Variants in ZC3H12B observed in about 807,000 individuals in gnomAD.
ZC3H12B encodes the protein zinc finger CCCH-type containing 12B.
In ZC3H12B, 7 loss-of-function variants were observed where a neutral mutation model predicts 43.9. That is an observed-to-expected ratio of 0.16 (90% confidence interval 0.09 to 0.30). The LOEUF is 0.30. Among genes scored for constraint, ZC3H12B ranks in the 10% least tolerant of loss-of-function variants. The pLI is 1.00. For synonymous variants in ZC3H12B, 222 were observed against 241.7 expected, an observed-to-expected ratio of 0.92 and a Z score of 0.76; for missense variants, 475 against 670.2, an observed-to-expected ratio of 0.71 and a Z score of 3.22.
At chrX:65,069,084 T>C in the ZC3H12B span, among the ~76,000 whole-genome samples, 1 of 109,822 alleles carries the variant, frequency 9.1e-6, no homozygotes, top group East Asian at 2.8e-4. Flanking sequence ...GGGAGTTTGA[T>C]TATTAAATGC....
At chrX:65,077,527 T>C in the ZC3H12B span, among the ~76,000 whole-genome samples, 15 of 111,976 alleles carry the variant, frequency 1.3e-4, no homozygotes, top group Admixed American at 2.8e-4. Flanking sequence ...AAGCTACTTA[T>C]GTGGGCAGAT....
At chrX:65,156,611 C>T in the ZC3H12B span, among the ~76,000 whole-genome samples, 956 of 111,034 alleles carry the variant, frequency 8.6e-3, 15 homozygotes, top group African/African-American at 0.03. Flanking sequence ...GAACTCTCGA[C>T]CCCAGGTAAT....
At chrX:65,204,326 C>T in the ZC3H12B span, among the ~76,000 whole-genome samples, 1 of 111,943 alleles carries the variant, frequency 8.9e-6, no homozygotes, top group Non-Finnish European at 1.9e-5. Flanking sequence ...CTGCCTCTTT[C>T]ATCTGAATTA....
the ZC3H12B span, among the ~76,000 whole-genome samples, chrX:65,293,199 C>A: frequency 3.6e-5 from 4 of 110,840 alleles, no homozygotes; most frequent in Non-Finnish European, 7.6e-5. Context: ...TTTCTCAGTA[C>A]CACCCTGGAG....
At chrX:65,207,284 C>T in the ZC3H12B span, among the ~76,000 whole-genome samples, 1 of 107,301 alleles carries the variant, frequency 9.3e-6, no homozygotes, top group East Asian at 3.0e-4. Context: ...ATACACACAC[C>T]GTGGTCTACT....
At chrX:65,348,807 C>T in the ZC3H12B span, among the ~76,000 whole-genome samples, 21 of 110,964 alleles carry the variant, frequency 1.9e-4, no homozygotes, top group East Asian at 4.6e-3. Context: ...ATCAATGCAG[C>T]GAGAAGAGCT....
the ZC3H12B span, among the ~76,000 whole-genome samples, chrX:65,359,615 G>A: frequency 1.8e-4 from 20 of 112,172 alleles, 1 homozygote; most frequent in African/African-American, 6.5e-4. Context: ...GCCAGAAGAT[G>A]TAACAGAATT....
At chrX:65,342,111 A>G in the ZC3H12B span, among the ~76,000 whole-genome samples, 1 of 111,644 alleles carries the variant, frequency 9.0e-6, no homozygotes, top group South Asian at 3.7e-4. Flanking sequence ...CAGGAGTTGC[A>G]GTCCTAATTT....
At chrX:65,223,266 T>C in the ZC3H12B span, among the ~76,000 whole-genome samples, 3 of 110,083 alleles carry the variant, frequency 2.7e-5, no homozygotes, top group African/African-American at 9.9e-5. Context: ...TGCAGATCAC[T>C]GCACTCCAGC....
the ZC3H12B span, among the ~76,000 whole-genome samples, chrX:65,163,518 C>T: frequency 9.0e-6 from 1 of 111,444 alleles, no homozygotes; most frequent in Non-Finnish European, 1.9e-5. Context: ...GCAGTTTGAT[C>T]TCATACTGCT....
At chrX:65,294,616 C>A in the ZC3H12B span, among the ~76,000 whole-genome samples, 2 of 111,449 alleles carry the variant, frequency 1.8e-5, no homozygotes, top group Admixed American at 9.6e-5. Context: ...TCACCTAACA[C>A]ATAAGGACTC....
intron 3 of ZC3H12B, among the ~76,000 whole-genome samples, chrX:65,440,252 G>T (rs750082681): frequency 8.9e-6 from 1 of 112,085 alleles, no homozygotes; most frequent in Admixed American, 9.5e-5. Context: ...AGAGGTGTAT[G>T]AGCCCCAATG....
At chrX:65,054,800 C>A in the ZC3H12B span, among the ~76,000 whole-genome samples, 1 of 111,385 alleles carries the variant, frequency 9.0e-6, no homozygotes, top group African/African-American at 3.3e-5. Context: ...AGAAGTCCTT[C>A]ACATCCCTTG....
chrX:65,260,576 T>C, the ZC3H12B span, among the ~76,000 whole-genome samples: 1 of 111,885 alleles, frequency 8.9e-6, no homozygotes. Flanking sequence ...AATAAATGTT[T>C]AAAAAGACAA....
chrX:65,075,640 G>A, the ZC3H12B span, among the ~76,000 whole-genome samples: 27 of 111,757 alleles, frequency 2.4e-4, no homozygotes, highest in African/African-American at 6.8e-4. Flanking sequence ...TCACCCTCTC[G>A]TTCTATGCCG....
the ZC3H12B span, chrX:65,356,776 C>A: frequency 5.6e-6 from 1 of 179,731 alleles, no homozygotes; most frequent in Non-Finnish European, 1.1e-5. Flanking sequence ...TCCCTAAATC[C>A]TCAAAGGCTG....
At chrX:65,263,632 G>C in the ZC3H12B span, among the ~76,000 whole-genome samples, 1 of 111,136 alleles carries the variant, frequency 9.0e-6, no homozygotes, top group Non-Finnish European at 1.9e-5. Context: ...AGAATATCAA[G>C]ATTTTTAATA....
At chrX:65,351,710 GA>G in the ZC3H12B span, among the ~76,000 whole-genome samples, 3 of 112,611 alleles carry the variant, frequency 2.7e-5, no homozygotes, top group Non-Finnish European at 5.6e-5. Context: ...ACAGACGTAT[GA>G]AAAAATGCTC....
the ZC3H12B span, among the ~76,000 whole-genome samples, chrX:65,344,308 T>A: frequency 8.9e-6 from 1 of 112,118 alleles, no homozygotes; most frequent in Non-Finnish European, 1.9e-5. Context: ...ATGACATTCT[T>A]CATAGAACTA....
Sources: allele counts gnomAD v4.1 joint callset (sites outside exome capture counted in the v4.1 genomes callset), GRCh38; gene constraint gnomAD v4.1.1; transcripts MANE v1.5; gene names NCBI Gene and HGNC (gene_info 2026-07-23, HGNC 2026-07-21).